The following TTLL11 variants were observed in gnomAD, a reference collection of about 807,000 sequenced individuals.
The protein encoded by TTLL11 is tubulin polyglutamylase TTLL11.
TTLL11 carries 42 observed loss-of-function variants against 51.7 expected under a neutral mutation model. That is an observed-to-expected ratio of 0.81 (90% confidence interval 0.64 to 1.05). TTLL11 has a LOEUF of 1.05. TTLL11 is among the 50% of genes least tolerant of loss of function. The pLI is 0.00. For missense variants in TTLL11, 799 were observed against 940.4 expected (o/e 0.85, Z 1.97); for synonymous variants, 381 against 383.5 (o/e 0.99, Z 0.08).
intron 6 of TTLL11, among the ~76,000 whole-genome samples, chr9:121,895,831 GTA>G (rs1491070173): frequency 3.8e-4 from 6 of 15,592 alleles, no homozygotes; most frequent in Admixed American, 3.0e-3. Flanking sequence ...GTGTATGTGT[GTA>G]TGTGTGGTTG....
intron 8 of TTLL11, among the ~76,000 whole-genome samples, chr9:121,825,859 A>C (rs1482648698): frequency 7.3e-5 from 11 of 151,494 alleles, no homozygotes; most frequent in Admixed American, 7.2e-4. Flanking sequence ...AAAAAAAAAA[A>C]GCACAGCAAC....
rs934887528 is a variant in TTLL11, at chr9:121,820,669, G to A, written c.*1918C>T. ...GGCCTTCCTTTCCTCATCTGAAAGGGGAGCAGCATTACAGACCTGCCCTAC... is the reference window on the plus strand; with the variant it reads ...GGCCTTCCTTTCCTCATCTGAAAGGAGAGCAGCATTACAGACCTGCCCTAC... On this transcript the variant is annotated 3_prime_UTR_variant, in exon 9 of 9. Coordinates refer to ENST00000321582, the MANE Select transcript of TTLL11 (RefSeq NM_001139442.2). Among the ~76,000 whole-genome samples the A allele has an allele frequency of 1.3e-5, 2 of 152,032 alleles. No homozygotes were observed. Among genetic ancestry groups the A allele is most frequent in the Admixed American group, 6.5e-5 (1 of 15,272 alleles).
intron 1 of TTLL11, among the ~76,000 whole-genome samples, chr9:122,088,177 C>T (rs943645148): frequency 6.6e-6 from 1 of 152,206 alleles, no homozygotes; most frequent in Non-Finnish European, 1.5e-5. Context: ...GATCTGGCTT[C>T]TTCATCGCTC....
At chr9:121,899,406 C>CCT (rs1225721029) in intron 6 of TTLL11, among the ~76,000 whole-genome samples, 1 of 123,088 alleles carries the variant, frequency 8.1e-6, no homozygotes, top group Non-Finnish European at 1.7e-5. Context: ...TATATATACA[C>CCT]ACACACACAC....
intron 6 of TTLL11, among the ~76,000 whole-genome samples, chr9:121,921,625 G>A (rs1369685491): frequency 2.0e-5 from 3 of 152,162 alleles, no homozygotes; most frequent in African/African-American, 7.2e-5. Flanking sequence ...GGCACCTGCT[G>A]ATTTATTTCT....
intron 8 of TTLL11, among the ~76,000 whole-genome samples, chr9:121,854,488 A>G (rs917814061): frequency 6.6e-6 from 1 of 152,180 alleles, no homozygotes; most frequent in Non-Finnish European, 1.5e-5. Context: ...TATATCTTAA[A>G]ATAGCAAAAA....
chr9:121,987,056 A>C (rs950673066), intron 4 of TTLL11, among the ~76,000 whole-genome samples: 1 of 152,158 alleles, frequency 6.6e-6, no homozygotes, highest in Admixed American at 6.5e-5. Context: ...CATTTTTATA[A>C]AACTCAAAAA....
Position 121,953,071 on chromosome 9 carries a change from T to C in TTLL11, c.1481+20938A>G, listed in dbSNP as rs555942496. Among the ~76,000 whole-genome samples, 9 of 152,270 alleles carry C rather than the reference T, an allele frequency of 5.9e-5. No individual in the cohort carries two copies. The East Asian group carries it at 1.7e-3, about 29-fold the overall frequency. On this transcript the variant is annotated intron_variant, in intron 6 of 8. Coordinates refer to ENST00000321582, the MANE Select transcript of TTLL11 (RefSeq NM_001139442.2). ...AAAAGAGTTGAAATGTTGGCAGATGTGTGATAAATAGCCCCATACATTATT... is the reference window on the plus strand; with the variant it reads ...AAAAGAGTTGAAATGTTGGCAGATGCGTGATAAATAGCCCCATACATTATT...
chr9:121,821,264 A>G lies in TTLL11; in HGVS notation c.*1323T>C, dbSNP rs114690413. ...AAGGAGGAGAAAGCTGCAGGAGCTTATTTGGGATGCACCTCTGCCTCCCAG... is the reference window on the plus strand; with the variant it reads ...AAGGAGGAGAAAGCTGCAGGAGCTTGTTTGGGATGCACCTCTGCCTCCCAG... On this transcript the variant is annotated 3_prime_UTR_variant, in exon 9 of 9. Transcript: ENST00000321582. This position sits in a 1 kb window ranked among gnomAD's most constrained non-coding sequence, Gnocchi z 5.0. Among the ~76,000 whole-genome samples, 3,158 of 152,222 alleles carry G rather than the reference A, an allele frequency of 0.021. 63 individuals are homozygous for G. The highest frequency in any genetic ancestry group is 0.053 in the African/African-American group (2,197 of 41,542).
At chr9:122,021,373 G>A (rs888637527) in intron 3 of TTLL11, among the ~76,000 whole-genome samples, 1 of 152,200 alleles carries the variant, frequency 6.6e-6, no homozygotes, top group Admixed American at 6.5e-5. Context: ...CTTTTGTACA[G>A]AGAACTCTGG....
chr9:121,969,906 T>C (rs187526106), intron 6 of TTLL11, among the ~76,000 whole-genome samples: 1 of 152,256 alleles, frequency 6.6e-6, no homozygotes, highest in African/African-American at 2.4e-5. Context: ...GAGAATAATT[T>C]CAGCCTTTTC....
chr9:121,993,300 AT>A (rs1355786334), intron 3 of TTLL11, among the ~76,000 whole-genome samples: 3 of 152,232 alleles, frequency 2.0e-5, no homozygotes, highest in Non-Finnish European at 2.9e-5. Flanking sequence ...AAATCTTGTC[AT>A]GTATATTTTA....
chr9:122,053,479 T>A, intron 1 of TTLL11, among the ~76,000 whole-genome samples: 1 of 151,990 alleles, frequency 6.6e-6, no homozygotes, highest in Non-Finnish European at 1.5e-5. Context: ...CACGGTAGGC[T>A]CACAGGGCAA....
rs1267259207 is a variant in TTLL11 at position 121,986,044 on chromosome 9, G to A, written c.1269+3151C>T. ...TCGCACAGCTGGGAAGAGGAAAAGCGCTTCCTTGATCCTGGCGTCTCCCCC... is the reference window on the plus strand; with the variant it reads ...TCGCACAGCTGGGAAGAGGAAAAGCACTTCCTTGATCCTGGCGTCTCCCCC... On this transcript the variant is annotated intron_variant, in intron 4 of 8. Transcript: ENST00000321582. 5.9e-5 allele frequency among the ~76,000 whole-genome samples: 9 copies of A among 152,212 alleles called. No homozygotes were observed. In the East Asian group the frequency reaches 1.2e-3, roughly 20 times the overall value.
At chr9:121,988,960 AT>A (rs1843012229) in intron 4 of TTLL11, 1 of 873,396 alleles carries the variant, frequency 1.1e-6, no homozygotes, top group Non-Finnish European at 1.7e-6. Flanking sequence ...TAAGATAGGT[AT>A]TCTTCATTTC....
chr9:121,974,790 G>A (rs1003829837), intron 5 of TTLL11, 94 bp downstream of exon 5: 24 of 1,011,206 alleles, frequency 2.4e-5, no homozygotes, highest in Admixed American at 8.7e-5. Context: ...GAAAATCTGA[G>A]AATGTCCAAT....
intron 8 of TTLL11, among the ~76,000 whole-genome samples, chr9:121,857,063 A>T (rs1482362816): frequency 2.0e-5 from 3 of 152,162 alleles, no homozygotes; most frequent in Non-Finnish European, 4.4e-5. Flanking sequence ...GGCTCCTGAG[A>T]CCACAGGCAC....
intron 6 of TTLL11, among the ~76,000 whole-genome samples, chr9:121,961,238 G>GA (rs1326755047): frequency 2.0e-5 from 3 of 150,034 alleles, no homozygotes; most frequent in East Asian, 2.0e-4. Context: ...TTTTCCTCAA[G>GA]AAAAAAAAAG....
At chr9:122,084,189 C>T (rs1486803147) in intron 1 of TTLL11, among the ~76,000 whole-genome samples, 2 of 151,938 alleles carry the variant, frequency 1.3e-5, no homozygotes, top group East Asian at 1.9e-4. Context: ...AAAGCAAAAC[C>T]GCACCCAGGG....
Sources: gnomAD v4.1 joint callset for allele counts (sites outside exome capture counted in the v4.1 genomes callset) on GRCh38, gnomAD v4.1.1 for gene constraint, Gnocchi (gnomAD v3.1) non-coding constraint, MANE v1.5 for transcripts, NCBI Gene and HGNC (gene_info 2026-07-23, HGNC 2026-07-21) for gene names.